FAM107A: variants seen among roughly 807,000 people sequenced by gnomAD.
FAM107A encodes the protein family with sequence similarity 107 member A.
FAM107A carries 19 observed loss-of-function variants against 13.7 expected under a neutral mutation model. The observed-to-expected ratio is 1.38, with a 90% CI of 0.97 to 2.03. FAM107A has a LOEUF of 2.03. FAM107A is among the 30% of genes most tolerant of loss of function. The probability of loss-of-function intolerance (pLI) is 0.00; values close to 1 mark genes in which losing one functional copy is unlikely to be tolerated. For missense variants in FAM107A, 203 were observed against 184.4 expected (o/e 1.10, Z -0.58); for synonymous variants, 82 against 74.5 (o/e 1.10, Z -0.52).
chr3:58,574,172 TA>T (rs1383678280), intron 1 of FAM107A: 1 of 152,166 alleles, frequency 6.6e-6, no homozygotes, highest in African/African-American at 2.4e-5. Context: ...CAATCACTAT[TA>T]ATAAATCCCA....
chr3:58,584,490 T>A (rs914224540), intron 1 of FAM107A, among the ~76,000 whole-genome samples: 2 of 152,170 alleles, frequency 1.3e-5, no homozygotes, highest in Non-Finnish European at 2.9e-5. Context: ...TTTGAATGTG[T>A]TTTCTACCTC....
At chr3:58,624,099 T>C (rs2065985834) in intron 1 of FAM107A, among the ~76,000 whole-genome samples, 2 of 152,216 alleles carry the variant, frequency 1.3e-5, no homozygotes, top group South Asian at 4.1e-4. Flanking sequence ...AACCCACTGC[T>C]GCCGCAGGAC....
rs115776946 is a variant in FAM107A at position 58,596,706 on chromosome 3, A to G, written c.-69-7437T>C. ...AAAAAAAAAAAAATTGAGGTGTAGC[A>G]TAAAGTCCATTGTGCAGCTCAGTGA... is the stretch of plus-strand genomic sequence containing the variant. On this transcript the variant is annotated intron_variant, in intron 1 of 3. Transcript: ENST00000465970. Among the ~76,000 whole-genome samples, 1,039 of 151,910 alleles carry G rather than the reference A, an allele frequency of 6.8e-3. 9 individuals carry two copies. Among genetic ancestry groups the G allele is most frequent in the African/African-American group, 0.024 (994 of 41,426 alleles).
At chr3:58,624,114 G>A (rs559956320) in intron 1 of FAM107A, among the ~76,000 whole-genome samples, 1 of 152,324 alleles carries the variant, frequency 6.6e-6, no homozygotes, top group African/African-American at 2.4e-5. Flanking sequence ...CAGGACCTGT[G>A]GCCTTGCTGT....
At position 58,569,665 on chromosome 3, in the gene FAM107A, C is replaced by G. The variant is rs2063660890; in HGVS notation, c.170+26G>C. On this transcript the variant is annotated intron_variant, in intron 2 of 3. Transcript: ENST00000360997. This position sits in a 1 kb window ranked among gnomAD's most constrained non-coding sequence, Gnocchi z 5.7. The stretch of plus-strand genomic sequence containing the variant: ...CCCACAGGCCCAGGTGCTTGCGGGG[C>G]CCAGGCAGCAGGGCTTCATCCCTAC... 2 of 1,594,920 alleles carry G rather than the reference C, an allele frequency of 1.3e-6. No homozygotes were observed. Among genetic ancestry groups the G allele is most frequent in the South Asian group, 2.3e-5 (2 of 88,834 alleles).
chr3:58,586,840 G>T, intron 1 of FAM107A: 1 of 1,522,690 alleles, frequency 6.6e-7, no homozygotes, highest in Non-Finnish European at 8.8e-7. Flanking sequence ...CGGCGAGGGT[G>T]GCGTTGCTCC....
At chr3:58,589,477 G>A (rs995540194), upstream of FAM107A, among the ~76,000 whole-genome samples, 2 of 152,070 alleles carry the variant, frequency 1.3e-5, no homozygotes, top group African/African-American at 4.8e-5. Flanking sequence ...GCGTATTTAT[G>A]AGACTCATGC....
intron 1 of FAM107A, chr3:58,626,927 C>T (rs2066023763): frequency 1.3e-6 from 2 of 1,532,516 alleles, no homozygotes; most frequent in East Asian, 4.9e-5. Context: ...TCCAGTCTCC[C>T]TTCCCATGAC....
intron 1 of FAM107A, among the ~76,000 whole-genome samples, chr3:58,616,923 G>A (rs1036580741): frequency 3.9e-5 from 6 of 152,128 alleles, no homozygotes; most frequent in East Asian, 1.9e-4. Context: ...ACAGGCACAC[G>A]CCACCACATC....
chr3:58,586,858 C>G, exon 1 of FAM107A: 1 of 1,529,734 alleles, frequency 6.5e-7, no homozygotes, highest in Non-Finnish European at 8.7e-7. Context: ...TCCCACTTAC[C>G]CGACCGGAGC....
intron 1 of FAM107A, chr3:58,572,870 G>A (rs570925079): frequency 6.6e-6 from 1 of 152,330 alleles, no homozygotes; most frequent in South Asian, 2.1e-4. Flanking sequence ...GCCCTTGGAA[G>A]AGGGGCCCTG....
At chr3:58,609,712 C>T (rs1205826161) in intron 1 of FAM107A, among the ~76,000 whole-genome samples, 3 of 152,234 alleles carry the variant, frequency 2.0e-5, no homozygotes, top group Non-Finnish European at 2.9e-5. Flanking sequence ...CCTAGGGGGT[C>T]GTGGAGGAGG....
chr3:58,578,824 G>T (rs907656500), upstream of FAM107A, among the ~76,000 whole-genome samples: 6 of 152,196 alleles, frequency 3.9e-5, no homozygotes, highest in Non-Finnish European at 8.8e-5. Context: ...TGGCTAGAAG[G>T]TGATGAGGCC....
At chr3:58,585,307 C>G (rs2065593061) in intron 1 of FAM107A, among the ~76,000 whole-genome samples, 1 of 152,190 alleles carries the variant, frequency 6.6e-6, no homozygotes, top group Non-Finnish European at 1.5e-5. Flanking sequence ...ATCGCCGGAG[C>G]TGGGATTGGA....
intron 1 of FAM107A, among the ~76,000 whole-genome samples, chr3:58,621,688 A>T (rs2065956322): frequency 6.6e-6 from 1 of 152,238 alleles, no homozygotes; most frequent in Non-Finnish European, 1.5e-5. Context: ...AAGCTTAAAC[A>T]TCACCCAGAG....
intron 1 of FAM107A, among the ~76,000 whole-genome samples, chr3:58,601,542 C>A (rs577616599): frequency 6.6e-6 from 1 of 152,170 alleles, no homozygotes; most frequent in African/African-American, 2.4e-5. Flanking sequence ...GTGGTCCTAA[C>A]TGATGGATAT....
intron 1 of FAM107A, among the ~76,000 whole-genome samples, chr3:58,602,565 G>A (rs181180992): frequency 1.1e-3 from 163 of 152,324 alleles, no homozygotes; most frequent in African/African-American, 3.7e-3. Context: ...AACGTCCAGC[G>A]ATAGGGGATT....
At chr3:58,620,539 C>A in intron 1 of FAM107A, among the ~76,000 whole-genome samples, 1 of 152,262 alleles carries the variant, frequency 6.6e-6, no homozygotes, top group East Asian at 1.9e-4. Context: ...TTCCTTCTCC[C>A]TCCTAAGCTG....
chr3:58,582,171 A>C (rs2065555719), upstream of FAM107A, among the ~76,000 whole-genome samples: 1 of 152,234 alleles, frequency 6.6e-6, no homozygotes, highest in Non-Finnish European at 1.5e-5. Context: ...TTAAATTTGA[A>C]TTTCTAATGA....
Sources: gnomAD v4.1 joint callset for allele counts (sites outside exome capture counted in the v4.1 genomes callset) on GRCh38, gnomAD v4.1.1 for gene constraint, Gnocchi (gnomAD v3.1) non-coding constraint, MANE v1.5 for transcripts, NCBI Gene and HGNC (gene_info 2026-07-23, HGNC 2026-07-21) for gene names.